SETBP1: variants seen among roughly 807,000 people sequenced by gnomAD.
SETBP1 encodes the protein SET binding protein 1.
A neutral mutation model predicts 101.0 loss-of-function variants in SETBP1; 9 were observed. The observed-to-expected ratio is 0.09, with a 90% CI of 0.05 to 0.16. The LOEUF (loss-of-function observed/expected upper bound fraction) is 0.16, where lower values mean the gene tolerates loss of function less well. Ranked by LOEUF, SETBP1 falls within the 10% of genes least tolerant of loss-of-function variation. SETBP1 has a pLI of 1.00. For missense variants in SETBP1, 1,858 were observed against 2,033.8 expected, an observed-to-expected ratio of 0.91 and a Z score of 1.66; for synonymous variants, 818 against 788.5, an observed-to-expected ratio of 1.04 and a Z score of -0.63.
intron 3 of SETBP1, among the ~76,000 whole-genome samples, chr18:44,928,009 C>T (rs2070742771): frequency 2.0e-5 from 3 of 152,184 alleles, no homozygotes; most frequent in South Asian, 4.2e-4. Context: ...TATACATGTG[C>T]CATGTTGGTG....
chr18:45,020,354 G>A (rs745436819), intron 4 of SETBP1, among the ~76,000 whole-genome samples: 1 of 149,248 alleles, frequency 6.7e-6, no homozygotes, highest in Non-Finnish European at 1.5e-5. Flanking sequence ...TTTACTATGA[G>A]GCACCCACAC....
chr18:44,792,009 G>A (rs972697804), intron 2 of SETBP1, among the ~76,000 whole-genome samples: 4 of 152,004 alleles, frequency 2.6e-5, no homozygotes, highest in South Asian at 2.1e-4. Flanking sequence ...GTGCAGTTTC[G>A]GGCTCATCAT....
intron 2 of SETBP1, among the ~76,000 whole-genome samples, chr18:44,741,305 G>C (rs2070091909): frequency 6.6e-6 from 1 of 152,170 alleles, no homozygotes; most frequent in Non-Finnish European, 1.5e-5. Context: ...GAGGATAAGA[G>C]GGATGATCAA....
At chr18:45,023,421 G>A (rs552268828) in intron 4 of SETBP1, among the ~76,000 whole-genome samples, 1 of 152,270 alleles carries the variant, frequency 6.6e-6, no homozygotes, top group East Asian at 1.9e-4. Context: ...AGACTAGACT[G>A]TTTCTTATAT....
intron 5 of SETBP1, among the ~76,000 whole-genome samples, chr18:45,048,543 C>T (rs1457390575): frequency 6.6e-6 from 1 of 152,162 alleles, no homozygotes; most frequent in Non-Finnish European, 1.5e-5. Flanking sequence ...AGTCCAAGTC[C>T]CCTACCCTTG....
intron 3 of SETBP1, 79 bp downstream of exon 3, chr18:44,869,362 G>A (rs2069216251): frequency 7.5e-7 from 1 of 1,331,006 alleles, no homozygotes; most frequent in Non-Finnish European, 1.1e-6. Context: ...CACCTTTGGG[G>A]CCAGGACAGA....
chr18:44,778,280 C>G (rs1467988950), intron 2 of SETBP1, among the ~76,000 whole-genome samples: 1 of 152,178 alleles, frequency 6.6e-6, no homozygotes, highest in Non-Finnish European at 1.5e-5. Context: ...CTCTTATTCT[C>G]AGCCTAGGGG....
At chr18:45,043,174 A>T (rs3861812) in intron 5 of SETBP1, among the ~76,000 whole-genome samples, 19,305 of 152,134 alleles carry the variant, frequency 0.13, 1,861 homozygotes, top group African/African-American at 0.27. Context: ...GTATAGAGAA[A>T]CTGTGATTTC....
chr18:44,969,300 G>A (rs1357710207), intron 4 of SETBP1, among the ~76,000 whole-genome samples: 1 of 152,258 alleles, frequency 6.6e-6, no homozygotes, highest in South Asian at 2.1e-4. Context: ...AACGTCTGAA[G>A]AATTGAGAGT....
chr18:44,913,726 TG>T (rs2070365456), intron 3 of SETBP1, among the ~76,000 whole-genome samples: 1 of 152,186 alleles, frequency 6.6e-6, no homozygotes, highest in Admixed American at 6.5e-5. Flanking sequence ...ATCTCTGCCT[TG>T]GGCAGCTCAG....
intron 4 of SETBP1, among the ~76,000 whole-genome samples, chr18:44,959,861 G>T (rs749954775): frequency 4.6e-5 from 7 of 152,208 alleles, no homozygotes; most frequent in African/African-American, 1.7e-4. Flanking sequence ...GCAAACAAAG[G>T]TATGTAAGTG....
chr18:44,989,862 C>T lies in SETBP1; in HGVS notation c.4000+36522C>T, dbSNP rs2072321323. On this transcript the variant is annotated intron_variant, in intron 4 of 5. Coordinates refer to ENST00000649279, the MANE Select transcript of SETBP1 (RefSeq NM_015559.3). ...CCAGCCTGGGCGACAGAGCGAGACT[C>T]CGTCTCAAAAAAAAAAAAAAAAAAA... Among the ~76,000 whole-genome samples the T allele has an allele frequency of 5.6e-5, 4 of 71,298 alleles. No individual in the cohort carries two copies. In the South Asian group the frequency reaches 2.6e-3, roughly 47 times the overall value. The allele number at this position is 71,298 out of a possible 152,430, so 46.8% of individuals were successfully genotyped here.
intron 4 of SETBP1, among the ~76,000 whole-genome samples, chr18:44,961,789 A>T (rs2071617399): frequency 6.6e-6 from 1 of 152,198 alleles, no homozygotes; most frequent in South Asian, 2.1e-4. Context: ...TCATATGATG[A>T]CTATTTGAAA....
At chr18:44,996,186 G>A (rs2072494159) in intron 4 of SETBP1, among the ~76,000 whole-genome samples, 1 of 152,118 alleles carries the variant, frequency 6.6e-6, no homozygotes, top group African/African-American at 2.4e-5. Context: ...ATACTTATGA[G>A]GCTGCAGAGA....
At chr18:44,723,766 G>A (rs1568110290) in intron 2 of SETBP1, among the ~76,000 whole-genome samples, 1 of 152,168 alleles carries the variant, frequency 6.6e-6, no homozygotes, top group African/African-American at 2.4e-5. Flanking sequence ...GGGGCTGGCA[G>A]TGGGGGTGGG....
At chr18:44,861,244 T>G (rs2069003291) in intron 2 of SETBP1, among the ~76,000 whole-genome samples, 1 of 135,924 alleles carries the variant, frequency 7.4e-6, no homozygotes, top group African/African-American at 2.8e-5. Flanking sequence ...TTTTTTTTTT[T>G]TTTTTTTTTT....
intron 2 of SETBP1, among the ~76,000 whole-genome samples, chr18:44,745,350 C>G (rs2070213769): frequency 6.6e-6 from 1 of 152,122 alleles, no homozygotes; most frequent in Non-Finnish European, 1.5e-5. Context: ...AGGTAGGGAG[C>G]AGGTGGAAAA....
Position 44,918,027 on chromosome 18 carries a change from C to T in SETBP1, c.541-31854C>T, listed in dbSNP as rs186280092. On this transcript the variant is annotated intron_variant, in intron 3 of 5. Coordinates refer to ENST00000649279, the MANE Select transcript of SETBP1 (RefSeq NM_015559.3). ...TGGCCCTCCCACAGCATGCCGCCCT[C>T]GGTTTGTATTTTGGAGGGCTTAGTA... Among the ~76,000 whole-genome samples the T allele has an allele frequency of 9.9e-4, 151 of 152,258 alleles. 1 individual carries two copies. Among genetic ancestry groups the T allele is most frequent in the African/African-American group, 3.4e-3 (142 of 41,554 alleles).
chr18:44,966,049 C>A (rs1345160196), intron 4 of SETBP1, among the ~76,000 whole-genome samples: 2 of 152,178 alleles, frequency 1.3e-5, no homozygotes, highest in African/African-American at 4.8e-5. Context: ...TCTCTCCTTA[C>A]AGCTCTAACT....
Sources: allele counts gnomAD v4.1 joint callset (sites outside exome capture counted in the v4.1 genomes callset), GRCh38; gene constraint gnomAD v4.1.1; transcripts MANE v1.5; gene names NCBI Gene and HGNC (gene_info 2026-07-23, HGNC 2026-07-21).